Variants in CFH observed in about 807,000 individuals in gnomAD.
The protein encoded by CFH is H factor 1 (complement).
In CFH, 53 loss-of-function variants were observed where a neutral mutation model predicts 147.3. The observed-to-expected ratio is 0.36, with a 90% confidence interval of 0.29 to 0.45. CFH has a LOEUF of 0.45. Among genes scored for constraint, CFH ranks in the 20% least tolerant of loss-of-function variants. The pLI is 1.00. For missense variants in CFH, 1,380 were observed against 1,498.0 expected, an observed-to-expected ratio of 0.92 and a Z score of 1.30; for synonymous variants, 536 against 489.4, an observed-to-expected ratio of 1.10 and a Z score of -1.26.
At chr1:196,719,689 A>G (rs1668954097) in intron 11 of CFH, among the ~76,000 whole-genome samples, 1 of 151,708 alleles carries the variant, frequency 6.6e-6, no homozygotes, top group South Asian at 2.1e-4. Flanking sequence ...ATATTTAGTA[A>G]TGTTGCTGAT....
chr1:196,655,049 T>A (rs967804099), intron 1 of CFH, among the ~76,000 whole-genome samples: 1 of 152,220 alleles, frequency 6.6e-6, no homozygotes, highest in African/African-American at 2.4e-5. Context: ...TTAATATTAC[T>A]ATAATTTCAA....
chr1:196,725,718 A>T (rs1239198071), intron 12 of CFH, among the ~76,000 whole-genome samples: 1 of 152,172 alleles, frequency 6.6e-6, no homozygotes, highest in African/African-American at 2.4e-5. Flanking sequence ...AGAACACATG[A>T]TGAGAGAGGA....
chr1:196,702,974 A>T (rs976232367), intron 9 of CFH, among the ~76,000 whole-genome samples: 1 of 152,188 alleles, frequency 6.6e-6, no homozygotes, highest in African/African-American at 2.4e-5. Flanking sequence ...AGAAAATTTG[A>T]TGATAGCTAA....
intron 9 of CFH, among the ~76,000 whole-genome samples, chr1:196,703,637 T>C (rs1668515228): frequency 6.6e-6 from 1 of 152,150 alleles, no homozygotes; most frequent in Non-Finnish European, 1.5e-5. Context: ...GAAAAAATGC[T>C]GATGAGATCA....
chr1:196,692,799 T>C (rs969616794), intron 9 of CFH, among the ~76,000 whole-genome samples: 42 of 94,710 alleles, frequency 4.4e-4, no homozygotes, highest in Admixed American at 7.0e-4. Flanking sequence ...TCTTTCTTTC[T>C]TTCTTTCTTT....
At chr1:196,695,178 T>A (rs1027430453) in intron 9 of CFH, among the ~76,000 whole-genome samples, 2 of 152,206 alleles carry the variant, frequency 1.3e-5, no homozygotes, top group African/African-American at 4.8e-5. Context: ...TGAGTTAATT[T>A]TTATATTAGG....
At position 196,737,573 on chromosome 1, in the gene CFH, T is replaced by C. The variant is rs773901562; in HGVS notation, c.2695T>C (p.Tyr899His). 1.2e-6 allele frequency: 2 copies of C among 1,613,430 alleles called. No homozygotes were observed. The highest frequency in any genetic ancestry group is 1.7e-6 in the Non-Finnish European group (2 of 1,179,604). The part of the protein sequence containing the change: ...ESYAHGTKLS[Y>H]TCEGGFRISE... ...TTATGCACATGGGACTAAATTGAGT[T>C]ATACTTGTGAGGGTGGTTTCAGGAT... The change falls in exon 17 of 22, where the codon TAT becomes CAT. Residue 899 changes from tyrosine (Y) to histidine (H), a missense_variant. Around this residue, in one of 4 missense-constraint regions of CFH, gnomAD observed 830 missense variants for 821.4 expected, o/e 1.01. Coordinates refer to ENST00000367429, the MANE Select transcript of CFH (RefSeq NM_000186.4).
intron 15 of CFH, among the ~76,000 whole-genome samples, chr1:196,735,297 T>C (rs1019331106): frequency 6.6e-6 from 1 of 152,152 alleles, no homozygotes; most frequent in Non-Finnish European, 1.5e-5. Flanking sequence ...TGTGAAAGAA[T>C]ACTGGGAAAA....
intron 11 of CFH, among the ~76,000 whole-genome samples, chr1:196,722,517 A>T (rs1044310333): frequency 6.6e-6 from 1 of 151,914 alleles, no homozygotes; most frequent in Non-Finnish European, 1.5e-5. Context: ...TGATTTTATA[A>T]TTTTTCCCGT....
At chr1:196,707,764 G>A (rs1201514703) in intron 9 of CFH, among the ~76,000 whole-genome samples, 1 of 151,186 alleles carries the variant, frequency 6.6e-6, no homozygotes, top group African/African-American at 2.5e-5. Context: ...TATCAGATAA[G>A]TAACTTTAAT....
chr1:196,679,860 A>C lies in CFH; in HGVS notation c.790+67A>C, dbSNP rs1015395009. 2.2e-6 allele frequency: 3 copies of C among 1,371,798 alleles called. No individual in the cohort carries two copies. The African/African-American group carries it at 4.4e-5, about 20-fold the overall frequency. The allele number at this position is 1,371,798 out of a possible 1,614,324, so 85.0% of individuals were successfully genotyped here. A position where few individuals can be genotyped will look rare whatever the true frequency, so the allele number is the denominator to read the frequency against. On this transcript the variant is annotated intron_variant, in intron 6 of 21. Coordinates refer to ENST00000367429, the MANE Select transcript of CFH (RefSeq NM_000186.4). Reference sequence around the variant, plus strand: ...CATATTTTAATTAATTCTTTTAATAAATCCACTTATTTTAATCAAAAGTAG... The same window carrying C: ...CATATTTTAATTAATTCTTTTAATACATCCACTTATTTTAATCAAAAGTAG...
Position 196,737,459 on chromosome 1 carries a change from T to C in CFH, c.2597-16T>C. On this transcript the variant is annotated splice_polypyrimidine_tract_variant and intron_variant, in intron 16 of 21. Transcript: ENST00000367429. ...TTTATTTGTTTTTAACCCTTTGATT[T>C]TCATTCTTCATTTAGAAAAAATTCC... The C allele has an allele frequency of 6.3e-7, 1 of 1,589,122 alleles. No individual in the cohort carries two copies. The highest frequency in any genetic ancestry group is 1.1e-5 in the South Asian group (1 of 89,768).
At chr1:196,699,242 A>G (rs1668380655) in intron 9 of CFH, among the ~76,000 whole-genome samples, 1 of 151,360 alleles carries the variant, frequency 6.6e-6, no homozygotes, top group East Asian at 1.9e-4. Flanking sequence ...TTTTTTTTCC[A>G]TTAAATTATC....
chr1:196,699,969 T>C (rs1305369015), intron 9 of CFH, among the ~76,000 whole-genome samples: 1 of 152,152 alleles, frequency 6.6e-6, no homozygotes, highest in Non-Finnish European at 1.5e-5. Flanking sequence ...TTGTTCTTTT[T>C]CTGTTCTTTA....
At position 196,714,635 on chromosome 1, in the gene CFH, GTATATATA is replaced by G. The variant is rs1176351357; in HGVS notation, c.1519+745_1519+752del. Among the ~76,000 whole-genome samples, 216 of 24,900 alleles carry G rather than the reference GTATATATA, an allele frequency of 8.7e-3. 7 individuals carry two copies. The highest frequency in any genetic ancestry group is 0.025 in the African/African-American group (152 of 5,992). 16.3% of individuals were successfully genotyped at this position (24,900 alleles called of 152,430 possible). On this transcript the variant is annotated intron_variant, in intron 10 of 21. Coordinates refer to ENST00000367429, the MANE Select transcript of CFH (RefSeq NM_000186.4). The stretch of plus-strand genomic sequence containing the variant: ...TGTGTGTGTGTGTATACGTATATAT[GTATATATA>G]TATATATATATATATATATATATAT...
At chr1:196,682,129 A>C (rs898749796) in intron 6 of CFH, among the ~76,000 whole-genome samples, 3 of 151,828 alleles carry the variant, frequency 2.0e-5, no homozygotes, top group Admixed American at 6.6e-5. Context: ...CAATAGGGAC[A>C]ATCTGTAACA....
chr1:196,677,777 A>T lies in CFH; in HGVS notation c.619+110A>T, dbSNP rs889666863. 5 of 1,035,692 alleles carry T rather than the reference A, an allele frequency of 4.8e-6. No homozygotes were observed. The African/African-American group carries it at 8.0e-5, about 17-fold the overall frequency. 64.2% of individuals were successfully genotyped at this position (1,035,692 alleles called of 1,614,324 possible). On this transcript the variant is annotated intron_variant, in intron 5 of 21. Transcript: ENST00000367429. Reference sequence around the variant, plus strand: ...GCAATATTAACAATAGCTAATGTTTATTGAGCACTTACTATCTGCCTGTAA... The same window carrying T: ...GCAATATTAACAATAGCTAATGTTTTTTGAGCACTTACTATCTGCCTGTAA...
chr1:196,692,505 CTT>C (rs911866985), intron 9 of CFH: 3 of 167,348 alleles, frequency 1.8e-5, no homozygotes, highest in Non-Finnish European at 3.4e-5. Flanking sequence ...TATTTTTTCT[CTT>C]TCTTTCCTTC....
intron 20 of CFH, among the ~76,000 whole-genome samples, chr1:196,744,967 A>G (rs763578073): frequency 6.6e-6 from 1 of 152,126 alleles, no homozygotes; most frequent in Non-Finnish European, 1.5e-5. Flanking sequence ...CTGGATATCA[A>G]ATTTGGAGTT....
Sources: gnomAD v4.1 joint callset for allele counts (sites outside exome capture counted in the v4.1 genomes callset) on GRCh38, gnomAD v4.1.1 for gene constraint, gnomAD v4.1.1 regional missense constraint, MANE v1.5 for transcripts, NCBI Gene and HGNC (gene_info 2026-07-23, HGNC 2026-07-21) for gene names.